The following EPHA6 variants were observed in gnomAD, a reference collection of about 807,000 sequenced individuals.
The protein encoded by EPHA6 is EPH receptor A6, also known as ephrin type-A receptor 6.
A neutral mutation model predicts 112.0 loss-of-function variants in EPHA6; 50 were observed. The ratio of observed to expected loss-of-function variants is 0.45; its 90% CI spans 0.36 to 0.56. The LOEUF (loss-of-function observed/expected upper bound fraction) is 0.56, where lower values mean the gene tolerates loss of function less well. Ranked by LOEUF, EPHA6 falls within the 20% of genes least tolerant of loss-of-function variation. The probability of loss-of-function intolerance (pLI) is 0.00; values close to 1 mark genes in which losing one functional copy is unlikely to be tolerated. For synonymous variants in EPHA6, 529 were observed against 490.7 expected (o/e 1.08, Z -1.03); for missense variants, 1,280 against 1,417.4 (o/e 0.90, Z 1.56).
intron 11 of EPHA6, among the ~76,000 whole-genome samples, chr3:97,563,512 CA>C (rs1465433609): frequency 1.3e-5 from 2 of 152,094 alleles, no homozygotes; most frequent in African/African-American, 2.4e-5. Context: ...AATTTTATCC[CA>C]GGGGTGATGG....
Position 97,757,436 on chromosome 3 carries a change from T to C in EPHA6, c.*8735T>C, listed in dbSNP as rs189914199. 6.6e-6 allele frequency among the ~76,000 whole-genome samples: 1 copy of C among 151,862 alleles called. No individual in the cohort carries two copies. Among genetic ancestry groups the C allele is most frequent in the Admixed American group, 6.5e-5 (1 of 15,276 alleles). ...CATCAAAATTCTTAACATTTCCATATTATTAATCCTTTGTTTTCCAAGACA... is the reference window on the plus strand; with the variant it reads ...CATCAAAATTCTTAACATTTCCATACTATTAATCCTTTGTTTTCCAAGACA... On this transcript the variant is annotated 3_prime_UTR_variant, in exon 18 of 18. Transcript: ENST00000389672.
chr3:97,064,788 T>A (rs974598122), intron 3 of EPHA6, among the ~76,000 whole-genome samples: 1 of 152,116 alleles, frequency 6.6e-6, no homozygotes. Context: ...CATATGAGGG[T>A]CCACTCCCCT....
chr3:97,519,896 A>G (rs2107615492), intron 10 of EPHA6, among the ~76,000 whole-genome samples: 1 of 149,110 alleles, frequency 6.7e-6, no homozygotes, highest in South Asian at 2.1e-4. Flanking sequence ...TGGTTGGGGT[A>G]TTTTTGGATA....
At chr3:96,946,506 A>G (rs1576131876) in intron 2 of EPHA6, among the ~76,000 whole-genome samples, 1 of 152,098 alleles carries the variant, frequency 6.6e-6, no homozygotes, top group African/African-American at 2.4e-5. Context: ...ACATGAACTC[A>G]TCCTTTTTTA....
intron 1 of EPHA6, among the ~76,000 whole-genome samples, chr3:96,844,790 G>A (rs1313527322): frequency 6.6e-6 from 1 of 151,954 alleles, no homozygotes; most frequent in Non-Finnish European, 1.5e-5. Flanking sequence ...GAGGTAGAAA[G>A]TGTGTGATCA....
At chr3:96,951,418 G>A (rs1419202699) in intron 2 of EPHA6, among the ~76,000 whole-genome samples, 1 of 151,986 alleles carries the variant, frequency 6.6e-6, no homozygotes, top group African/African-American at 2.4e-5. Flanking sequence ...AACTAAAAAG[G>A]CACGTAACTC....
At chr3:97,327,654 A>T (rs1234683457) in intron 5 of EPHA6, among the ~76,000 whole-genome samples, 2 of 151,864 alleles carry the variant, frequency 1.3e-5, no homozygotes, top group Non-Finnish European at 2.9e-5. Flanking sequence ...AAATACTGGC[A>T]AACATTAAAT....
At chr3:97,657,810 A>G (rs1375363443) in intron 14 of EPHA6, among the ~76,000 whole-genome samples, 1 of 151,882 alleles carries the variant, frequency 6.6e-6, no homozygotes, top group African/African-American at 2.4e-5. Context: ...AGGGAAGAAT[A>G]GCAAGAATTT....
intron 10 of EPHA6, among the ~76,000 whole-genome samples, chr3:97,528,287 A>G (rs1280975798): frequency 1.3e-5 from 2 of 152,160 alleles, no homozygotes; most frequent in Non-Finnish European, 2.9e-5. Context: ...TCCAAATCTC[A>G]GAGGCTGCTA....
chr3:97,455,231 A>T (rs975207594), intron 7 of EPHA6, among the ~76,000 whole-genome samples: 2 of 152,032 alleles, frequency 1.3e-5, no homozygotes, highest in African/African-American at 4.8e-5. Flanking sequence ...AAACATTGAG[A>T]TTTCATAACA....
chr3:97,641,370 C>G (rs923264146), intron 14 of EPHA6, among the ~76,000 whole-genome samples: 1 of 152,136 alleles, frequency 6.6e-6, no homozygotes, highest in Non-Finnish European at 1.5e-5. Context: ...CAAGTCAATT[C>G]AAGCAAACCC....
rs2035908413 is a variant in EPHA6, at chr3:97,751,834, A to AG, written c.*3138dup. Among the ~76,000 whole-genome samples the AG allele has an allele frequency of 6.6e-6, 1 of 152,104 alleles. No individual in the cohort carries two copies. ...TTAAATGTCTTGATCTATGCTACTG[A>AG]GGGGGTGTTTTGGATTTTAAAACCA... On this transcript the variant is annotated 3_prime_UTR_variant, in exon 18 of 18. Transcript: ENST00000389672.
intron 9 of EPHA6, chr3:97,481,097 C>G: frequency 1.9e-6 from 1 of 527,502 alleles, no homozygotes; most frequent in East Asian, 4.6e-5. Context: ...AGGCTGCAAT[C>G]TCGACACTTT....
At chr3:97,093,216 T>C (rs1409928329) in intron 3 of EPHA6, among the ~76,000 whole-genome samples, 2 of 152,166 alleles carry the variant, frequency 1.3e-5, no homozygotes, top group African/African-American at 2.4e-5. Flanking sequence ...ACTGTATGAC[T>C]TTAAAAACTG....
At chr3:97,246,245 C>T (rs948374909) in intron 5 of EPHA6, among the ~76,000 whole-genome samples, 2 of 151,792 alleles carry the variant, frequency 1.3e-5, no homozygotes, top group East Asian at 1.9e-4. Flanking sequence ...TCTAGTACAA[C>T]GATTTTTAGC....
intron 5 of EPHA6, among the ~76,000 whole-genome samples, chr3:97,256,066 A>T (rs2079301514): frequency 1.3e-5 from 2 of 152,108 alleles, no homozygotes; most frequent in African/African-American, 2.4e-5. Flanking sequence ...CTCTTTCCTC[A>T]TTTATGAAGA....
intron 3 of EPHA6, among the ~76,000 whole-genome samples, chr3:97,185,249 A>C (rs866503348): frequency 3.3e-5 from 5 of 152,204 alleles, no homozygotes; most frequent in South Asian, 2.1e-4. Context: ...TCTGCACAGC[A>C]AAAGAAACTA....
intron 6 of EPHA6, among the ~76,000 whole-genome samples, chr3:97,419,411 G>T (rs993979296): frequency 6.6e-6 from 1 of 152,024 alleles, no homozygotes; most frequent in Non-Finnish European, 1.5e-5. Context: ...ATCACCTGAG[G>T]CCAGCAGTTC....
chr3:97,283,814 C>G (rs2080373102), intron 5 of EPHA6, among the ~76,000 whole-genome samples: 1 of 151,986 alleles, frequency 6.6e-6, no homozygotes, highest in African/African-American at 2.4e-5. Flanking sequence ...CATTTAAGTA[C>G]ATTACTTGTG....
Sources: allele counts gnomAD v4.1 joint callset (sites outside exome capture counted in the v4.1 genomes callset), GRCh38; gene constraint gnomAD v4.1.1; transcripts MANE v1.5; gene names NCBI Gene and HGNC (gene_info 2026-07-23, HGNC 2026-07-21).